SAMTOR: variants seen among roughly 807,000 people sequenced by gnomAD.
The protein encoded by SAMTOR is UPF0532 protein C7orf60.
the SAMTOR span, among the ~76,000 whole-genome samples, chr7:112,897,410 C>T: frequency 1.3e-5 from 2 of 152,054 alleles, no homozygotes; most frequent in African/African-American, 4.8e-5. Context: ...CCATATAAAA[C>T]TGGTGATATT....
the SAMTOR span, among the ~76,000 whole-genome samples, chr7:112,878,810 TA>T: frequency 2.6e-5 from 4 of 152,120 alleles, no homozygotes; most frequent in Admixed American, 2.6e-4. Context: ...AAAGTTTTAG[TA>T]AAAGAGCTGG....
the SAMTOR span, among the ~76,000 whole-genome samples, chr7:112,884,776 T>C: frequency 8.5e-5 from 13 of 152,328 alleles, 1 homozygote; most frequent in South Asian, 1.0e-3. Context: ...CTAACCATTC[T>C]AGGATCTGGA....
chr7:112,849,381 A>G, the SAMTOR span, among the ~76,000 whole-genome samples: 1 of 152,178 alleles, frequency 6.6e-6, no homozygotes, highest in Non-Finnish European at 1.5e-5. Context: ...ATCTTTACCT[A>G]CACTTTACTA....
the SAMTOR span, among the ~76,000 whole-genome samples, chr7:112,920,211 G>A: frequency 1.3e-5 from 2 of 151,768 alleles, no homozygotes; most frequent in African/African-American, 4.8e-5. Flanking sequence ...TAAAATACTG[G>A]CAAACTGAAT....
the SAMTOR span, among the ~76,000 whole-genome samples, chr7:112,919,117 C>A: frequency 6.6e-6 from 1 of 152,184 alleles, no homozygotes; most frequent in African/African-American, 2.4e-5. Context: ...ATCTACAGAA[C>A]TCTCCACCCC....
At chr7:112,857,706 A>G in the SAMTOR span, among the ~76,000 whole-genome samples, 1 of 152,218 alleles carries the variant, frequency 6.6e-6, no homozygotes, top group Non-Finnish European at 1.5e-5. Flanking sequence ...TCAAATAAAA[A>G]TGTTAAGTTA....
the SAMTOR span, among the ~76,000 whole-genome samples, chr7:112,887,240 C>T: frequency 2.7e-5 from 4 of 150,014 alleles, no homozygotes; most frequent in Non-Finnish European, 5.9e-5. Flanking sequence ...ATTAAACAGC[C>T]GTATCATCAG....
the SAMTOR span, among the ~76,000 whole-genome samples, chr7:112,823,412 C>T: frequency 6.6e-6 from 1 of 152,124 alleles, no homozygotes; most frequent in African/African-American, 2.4e-5. Context: ...TCTTCCCCTG[C>T]CAGCAGGCAA....
At chr7:112,923,606 T>C in the SAMTOR span, among the ~76,000 whole-genome samples, 377 of 152,344 alleles carry the variant, frequency 2.5e-3, 1 homozygote, top group African/African-American at 8.3e-3. Context: ...GACTGTAAAC[T>C]AGTTCAACCA....
chr7:112,851,185 C>G, the SAMTOR span, among the ~76,000 whole-genome samples: 1 of 151,982 alleles, frequency 6.6e-6, no homozygotes, highest in African/African-American at 2.4e-5. Flanking sequence ...TTATCAACAA[C>G]ATTTTTCACC....
At chr7:112,912,197 G>C in the SAMTOR span, among the ~76,000 whole-genome samples, 1 of 151,966 alleles carries the variant, frequency 6.6e-6, no homozygotes, top group African/African-American at 2.4e-5. Context: ...TGTGCTAATA[G>C]ATTTAGGGAT....
At chr7:112,846,707 C>T in the SAMTOR span, among the ~76,000 whole-genome samples, 1 of 152,202 alleles carries the variant, frequency 6.6e-6, no homozygotes, top group Non-Finnish European at 1.5e-5. Flanking sequence ...CTAACGAGTA[C>T]ACCAGCATTT....
chr7:112,895,382 T>G, the SAMTOR span, among the ~76,000 whole-genome samples: 2 of 152,112 alleles, frequency 1.3e-5, no homozygotes, highest in Non-Finnish European at 2.9e-5. Context: ...GAACCACTAG[T>G]TTTCCAGATA....
At chr7:112,888,759 T>G in the SAMTOR span, among the ~76,000 whole-genome samples, 1 of 152,156 alleles carries the variant, frequency 6.6e-6, no homozygotes, top group African/African-American at 2.4e-5. Flanking sequence ...CTATCTAAAC[T>G]AAAAAGTTGA....
the SAMTOR span, chr7:112,915,545 C>T: frequency 1.1e-6 from 1 of 937,786 alleles, no homozygotes; most frequent in South Asian, 3.7e-5. Flanking sequence ...AAGATAAATA[C>T]AAGCAAAATT....
the SAMTOR span, among the ~76,000 whole-genome samples, chr7:112,891,068 AG>A: frequency 2.8e-4 from 43 of 152,318 alleles, no homozygotes; most frequent in African/African-American, 9.9e-4. Flanking sequence ...TCAATAAATA[AG>A]GGAATCTCAA....
the SAMTOR span, among the ~76,000 whole-genome samples, chr7:112,917,503 CAG>C: frequency 1.3e-5 from 2 of 152,156 alleles, no homozygotes; most frequent in Non-Finnish European, 2.9e-5. Flanking sequence ...GGGGAAAAAA[CAG>C]AGCAGAAAAA....
At chr7:112,896,743 C>T in the SAMTOR span, among the ~76,000 whole-genome samples, 1 of 152,042 alleles carries the variant, frequency 6.6e-6, no homozygotes, top group African/African-American at 2.4e-5. Context: ...CAATAAAAAA[C>T]ATGATTGATA....
chr7:112,824,274 T>C, the SAMTOR span, among the ~76,000 whole-genome samples: 2 of 152,196 alleles, frequency 1.3e-5, no homozygotes, highest in African/African-American at 4.8e-5. Flanking sequence ...ATAAAGACTT[T>C]TTTTCAAAAT....
Sources: allele counts gnomAD v4.1 joint callset (sites outside exome capture counted in the v4.1 genomes callset), GRCh38; gene constraint gnomAD v4.1.1; transcripts MANE v1.5; gene names NCBI Gene and HGNC (gene_info 2026-07-23, HGNC 2026-07-21).